PHYKPL: variants seen among roughly 807,000 people sequenced by gnomAD.
PHYKPL encodes 5-phosphonooxy-L-lysine phospho-lyase.
Under a neutral mutation model 51.3 loss-of-function variants are expected in PHYKPL, and 42 were observed. The ratio of observed to expected loss-of-function variants is 0.82; its 90% CI spans 0.64 to 1.06. The LOEUF (loss-of-function observed/expected upper bound fraction) is 1.06. PHYKPL is among the 50% of genes least tolerant of loss of function. PHYKPL has a pLI of 0.00. For missense variants in PHYKPL, 655 were observed against 586.6 expected (o/e 1.12, Z -1.20); for synonymous variants, 264 against 236.0 (o/e 1.12, Z -1.09).
At chr5:178,227,404 T>C (rs1008793161) in intron 3 of PHYKPL, among the ~76,000 whole-genome samples, 7 of 152,230 alleles carry the variant, frequency 4.6e-5, no homozygotes, top group African/African-American at 1.7e-4. Context: ...TCTCTGGTAT[T>C]TTCTTATGAG....
chr5:178,211,767 G>T lies in PHYKPL; in HGVS notation c.*31+123C>A, dbSNP rs550692271. ...CAGTGTTGAAGAAACTAACCTTTGG[G>T]AAGGAGCATCAGTCAGAACAAAAAA... On this transcript the variant is annotated intron_variant, in intron 12 of 12. Transcript: ENST00000308158. 1,028 of 649,980 alleles carry T rather than the reference G, an allele frequency of 1.6e-3. 4 individuals carry two copies. The highest frequency in any genetic ancestry group is 2.4e-3 in the Non-Finnish European group (898 of 370,524). 40.3% of individuals were successfully genotyped at this position (649,980 alleles called of 1,614,324 possible).
intron 10 of PHYKPL, 62 bp from the exon 11 acceptor site, chr5:178,213,165 T>A: frequency 6.3e-7 from 1 of 1,591,386 alleles, no homozygotes; most frequent in Non-Finnish European, 8.6e-7. Context: ...GGCCTTGGCC[T>A]CATGTCCAGT....
chr5:178,209,170 C>G (rs1016333975), intron 12 of PHYKPL, among the ~76,000 whole-genome samples: 1 of 152,218 alleles, frequency 6.6e-6, no homozygotes, highest in Non-Finnish European at 1.5e-5. Context: ...GTTGGGATTC[C>G]ATGAGCTTTA....
chr5:178,231,566 G>A (rs189923011), intron 1 of PHYKPL, 43 bp from the exon 2 acceptor site: 8 of 1,613,798 alleles, frequency 5.0e-6, no homozygotes, highest in African/African-American at 1.3e-5. Flanking sequence ...TCTGAAGACC[G>A]AAAGGGTGAA....
At chr5:178,215,008 G>A in intron 9 of PHYKPL, 123 bp from the exon 10 acceptor site, 1 of 909,684 alleles carries the variant, frequency 1.1e-6, no homozygotes, top group East Asian at 2.6e-5. Context: ...CCTTCAGAAG[G>A]TGGTGAGAAT....
intron 3 of PHYKPL, chr5:178,228,205 G>T: frequency 3.1e-6 from 1 of 321,160 alleles, no homozygotes; most frequent in South Asian, 4.8e-5. Context: ...CCTGAGGAGA[G>T]GGCTCAGAGA....
intron 12 of PHYKPL, 35 bp from the exon 13 acceptor site, chr5:178,208,950 C>T (rs1373304944): frequency 5.3e-6 from 1 of 187,858 alleles, no homozygotes; most frequent in Admixed American, 5.6e-5. Flanking sequence ...ACCTCATTGT[C>T]TAAGGCCCCT....
chr5:178,226,102 G>A (rs1264062874), intron 3 of PHYKPL: 1 of 138,482 alleles, frequency 7.2e-6, no homozygotes, highest in Non-Finnish European at 1.5e-5. Flanking sequence ...TTTTGAGACA[G>A]TCTCACTCTG....
intron 12 of PHYKPL, chr5:178,210,501 C>T: frequency 1.3e-6 from 2 of 1,570,300 alleles, no homozygotes; most frequent in Non-Finnish European, 1.8e-6. Flanking sequence ...AAGCGCGTGG[C>T]ACAGGGCAAA....
intron 8 of PHYKPL, among the ~76,000 whole-genome samples, chr5:178,220,574 C>G (rs542010211): frequency 4.5e-4 from 69 of 152,136 alleles, no homozygotes; most frequent in African/African-American, 1.6e-3. Context: ...CTTTAGAAAA[C>G]AAATGTCATT....
chr5:178,225,466 T>C, intron 3 of PHYKPL, 37 bp from the exon 4 acceptor site: 1 of 1,606,990 alleles, frequency 6.2e-7, no homozygotes, highest in Non-Finnish European at 8.5e-7. Context: ...GAGAGAGTAG[T>C]CTAAGAGCTT....
At chr5:178,207,645 C>T (rs918577527), downstream of PHYKPL, among the ~76,000 whole-genome samples, 31 of 148,784 alleles carry the variant, frequency 2.1e-4, no homozygotes, top group African/African-American at 6.9e-4. Context: ...GCCTTTCTAC[C>T]TCCTTCTACA....
intron 6 of PHYKPL, chr5:178,223,408 C>T (rs1283725206): frequency 1.1e-5 from 5 of 456,366 alleles, no homozygotes; most frequent in Non-Finnish European, 2.2e-5. Context: ...CTCCACATGG[C>T]CACCAGGGTG....
At position 178,224,639 on chromosome 5, in the gene PHYKPL, T is replaced by C. The variant is rs1234830996; in HGVS notation, c.501+3A>G. The stretch of plus-strand genomic sequence containing the variant: ...ACCTGTTGTTGAGTTGGGCAGTGCA[T>C]ACCACGTGGACCCACTCCTTCTGGC... On this transcript the variant is annotated splice_donor_region_variant and intron_variant, in intron 5 of 12. Transcript: ENST00000308158. 1 of 1,614,196 alleles carries C rather than the reference T, an allele frequency of 6.2e-7. No individual in the cohort carries two copies.
intron 3 of PHYKPL, chr5:178,229,737 A>C: frequency 1.8e-6 from 1 of 552,046 alleles, no homozygotes. Flanking sequence ...AGGAGGTAAT[A>C]ACATCCTTCA....
At chr5:178,232,365 G>T (rs2913860) in intron 1 of PHYKPL, 127 bp downstream of exon 1, 1 of 1,294,420 alleles carries the variant, frequency 7.7e-7, no homozygotes, top group Non-Finnish European at 9.7e-7. Context: ...GCAGCGGCCG[G>T]ACGGGATGGG....
intron 12 of PHYKPL, chr5:178,209,282 G>GC (rs778787282): frequency 5.5e-6 from 8 of 1,466,126 alleles, no homozygotes; most frequent in Middle Eastern, 3.5e-4. Flanking sequence ...GGCAGTCACT[G>GC]CCCTGAGTTT....
chr5:178,207,243 C>T (rs1416760298), downstream of PHYKPL: 5 of 1,613,346 alleles, frequency 3.1e-6, no homozygotes, highest in Non-Finnish European at 4.2e-6. Context: ...GTTCCCAGCT[C>T]TGCTTGGCCT....
In PHYKPL at chr5:178,223,191, A is replaced by C. The variant is rs1581311153; in HGVS notation, c.619-257T>G. On this transcript the variant is annotated intron_variant, in intron 6 of 12. Transcript: ENST00000308158. Reference sequence around the variant, plus strand: ...CTACATGCACTGATTTTTCCACCATAAGCCAGTTCCTTCCCTGTCCCCCAT... The same window carrying C: ...CTACATGCACTGATTTTTCCACCATCAGCCAGTTCCTTCCCTGTCCCCCAT... The C allele has an allele frequency of 1.3e-5, 6 of 479,838 alleles. No homozygotes were observed. The East Asian group carries it at 2.5e-4, about 20-fold the overall frequency. The allele number at this position is 479,838 out of a possible 1,614,324, so 29.7% of individuals were successfully genotyped here.
Sources: gnomAD v4.1 joint callset for allele counts (sites outside exome capture counted in the v4.1 genomes callset) on GRCh38, gnomAD v4.1.1 for gene constraint, MANE v1.5 for transcripts, NCBI Gene and HGNC (gene_info 2026-07-23, HGNC 2026-07-21) for gene names.